Variants in PCCA observed in about 807,000 individuals in gnomAD.
The protein encoded by PCCA is propionyl-CoA carboxylase subunit alpha, also known as propionyl-CoA carboxylase alpha chain, mitochondrial.
PCCA carries 74 observed loss-of-function variants against 101.3 expected under a neutral mutation model. The observed-to-expected ratio is 0.73, with a 90% confidence interval of 0.61 to 0.89. The LOEUF is 0.89. Among genes scored for constraint, PCCA ranks in the 40% least tolerant of loss-of-function variants. The pLI, the probability that PCCA is intolerant of heterozygous loss-of-function variation, is 0.00. For missense variants in PCCA, 891 were observed against 907.0 expected, an observed-to-expected ratio of 0.98 and a Z score of 0.23; for synonymous variants, 294 against 313.6, an observed-to-expected ratio of 0.94 and a Z score of 0.66.
intron 19 of PCCA, among the ~76,000 whole-genome samples, chr13:100,407,111 CAACCTTA>C (rs1424907272): frequency 1.3e-5 from 2 of 152,200 alleles, no homozygotes; most frequent in African/African-American, 4.8e-5. Context: ...CTTAACATAA[CAACCTTA>C]ATTATGATTA....
At chr13:100,240,223 C>T (rs2061033992) in intron 8 of PCCA, among the ~76,000 whole-genome samples, 1 of 152,116 alleles carries the variant, frequency 6.6e-6, no homozygotes, top group African/African-American at 2.4e-5. Flanking sequence ...ATAAAAATCA[C>T]AATTCTTTAC....
chr13:100,099,004 T>C (rs2047024068), intron 1 of PCCA, among the ~76,000 whole-genome samples: 1 of 152,170 alleles, frequency 6.6e-6, no homozygotes, highest in Non-Finnish European at 1.5e-5. Flanking sequence ...CCTGGAATTT[T>C]AGAGATGAAG....
intron 2 of PCCA, among the ~76,000 whole-genome samples, chr13:100,108,450 A>G (rs1311444037): frequency 6.6e-6 from 1 of 152,086 alleles, no homozygotes; most frequent in African/African-American, 2.4e-5. Flanking sequence ...GAGTCCTTCC[A>G]TCATCTGGAC....
chr13:100,269,536 AG>A (rs1488890342), intron 11 of PCCA, among the ~76,000 whole-genome samples: 1 of 152,202 alleles, frequency 6.6e-6, no homozygotes, highest in Non-Finnish European at 1.5e-5. Context: ...GTACTTCTCC[AG>A]GGCATCTTTC....
intron 16 of PCCA, among the ~76,000 whole-genome samples, chr13:100,322,462 T>TA (rs1209249982): frequency 1.3e-5 from 2 of 152,138 alleles, no homozygotes; most frequent in Non-Finnish European, 2.9e-5. Flanking sequence ...AACTGTGTCT[T>TA]AAAAATTGTT....
intron 14 of PCCA, among the ~76,000 whole-genome samples, chr13:100,305,384 GAACAT>G (rs1461965782): frequency 6.6e-6 from 1 of 152,158 alleles, no homozygotes; most frequent in Non-Finnish European, 1.5e-5. Context: ...AACTGTAGAA[GAACAT>G]AATAAATATT....
intron 12 of PCCA, among the ~76,000 whole-genome samples, chr13:100,294,347 A>G (rs2065357458): frequency 6.6e-6 from 1 of 152,170 alleles, no homozygotes; most frequent in South Asian, 2.1e-4. Flanking sequence ...GGGGTACACA[A>G]TTCAGCCCAT....
At chr13:100,441,458 T>C (rs2080360011) in intron 20 of PCCA, among the ~76,000 whole-genome samples, 1 of 152,246 alleles carries the variant, frequency 6.6e-6, no homozygotes, top group African/African-American at 2.4e-5. Flanking sequence ...GAACATTTGA[T>C]TTATTGTTTT....
intron 10 of PCCA, chr13:100,268,461 T>C (rs1390249694): frequency 3.4e-6 from 2 of 585,970 alleles, no homozygotes; most frequent in East Asian, 3.1e-5. Flanking sequence ...AAAGGTGATA[T>C]GAACACTTTT....
At chr13:100,348,410 A>G (rs984870120) in intron 18 of PCCA, among the ~76,000 whole-genome samples, 1 of 152,210 alleles carries the variant, frequency 6.6e-6, no homozygotes, top group Admixed American at 6.5e-5. Flanking sequence ...AATGAATTTG[A>G]TGAGCTCAAT....
In PCCA at chr13:100,506,681, T is replaced by C. The variant is rs553489721; in HGVS notation, c.1900-8746T>C. Among the ~76,000 whole-genome samples, 13 of 152,272 alleles carry C rather than the reference T, an allele frequency of 8.5e-5. No homozygotes were observed. In the East Asian group the frequency reaches 1.9e-3, roughly 23 times the overall value. The stretch of plus-strand genomic sequence containing the variant: ...ACCTGGGGGGGACTGAGGACTTACA[T>C]GGGAAGTCAGAGCTCCCCATCTTTT... On this transcript the variant is annotated intron_variant, in intron 21 of 23. Coordinates refer to ENST00000376285, the MANE Select transcript of PCCA (RefSeq NM_000282.4).
chr13:100,250,122 G>C (rs9518029), intron 8 of PCCA, among the ~76,000 whole-genome samples: 61,052 of 151,910 alleles, frequency 0.4, 12,949 homozygotes, highest in East Asian at 0.75. Context: ...AGAGTTGTAA[G>C]AGGGGACATT....
intron 16 of PCCA, among the ~76,000 whole-genome samples, chr13:100,314,806 A>G (rs1378788117): frequency 1.3e-5 from 2 of 152,228 alleles, no homozygotes; most frequent in Non-Finnish European, 2.9e-5. Flanking sequence ...CTAAAGACAC[A>G]TGACAACTAA....
Position 100,268,732 on chromosome 13 carries a change from G to A in PCCA, c.863G>A (p.Arg288Lys), listed in dbSNP as rs879253810. ...KHGNALWLNERECSIQRRNQK... is the reference protein window; with the variant it reads ...KHGNALWLNEKECSIQRRNQK... ...GGGAATGCTTTATGGCTTAATGAAA[G>A]AGAGTGCTCAATTCAGAGAAGAAAT... The change falls in exon 11 of 24, where the codon AGA becomes AAA. Residue 288 changes from arginine to lysine, a missense_variant. By Grantham distance (26) the Arg-to-Lys change is conservative (BLOSUM62 2). Transcript: ENST00000376285. 1 of 1,614,024 alleles carries A rather than the reference G, an allele frequency of 6.2e-7. No homozygotes were observed. The highest frequency in any genetic ancestry group is 1.3e-5 in the African/African-American group (1 of 74,940).
At chr13:100,440,406 ATTG>A (rs928523709) in intron 20 of PCCA, among the ~76,000 whole-genome samples, 2 of 151,472 alleles carry the variant, frequency 1.3e-5, no homozygotes, top group African/African-American at 4.8e-5. Context: ...AAGAAAATAA[ATTG>A]TTGATTTTCA....
chr13:100,418,750 T>C lies in PCCA; in HGVS notation c.1747-6883T>C, dbSNP rs761948271. On this transcript the variant is annotated intron_variant, in intron 19 of 23. Coordinates refer to ENST00000376285, the MANE Select transcript of PCCA (RefSeq NM_000282.4). ...TCGGGAGGCTGAGGTGGGAGAATCA[T>C]TGGAACCCAGGCAGTGGAGGTTGTA... is the stretch of plus-strand genomic sequence containing the variant. 3.7e-4 allele frequency among the ~76,000 whole-genome samples: 56 copies of C among 151,354 alleles called. No individual in the cohort carries two copies. The Middle Eastern group carries it at 0.014, about 37-fold the overall frequency.
chr13:100,522,865 A>G (rs2087420761), intron 22 of PCCA, among the ~76,000 whole-genome samples: 2 of 152,204 alleles, frequency 1.3e-5, no homozygotes, highest in African/African-American at 4.8e-5. Flanking sequence ...CATCCTTTAC[A>G]TCTCCAATTT....
chr13:100,096,703 A>T (rs958305664), intron 1 of PCCA, among the ~76,000 whole-genome samples: 1 of 152,260 alleles, frequency 6.6e-6, no homozygotes, highest in Non-Finnish European at 1.5e-5. Flanking sequence ...TGATTAAAAA[A>T]AGTGAAACAG....
At chr13:100,435,228 G>C (rs1445899626) in intron 20 of PCCA, among the ~76,000 whole-genome samples, 2 of 152,152 alleles carry the variant, frequency 1.3e-5, no homozygotes, top group Non-Finnish European at 2.9e-5. Context: ...TTCAGTCATG[G>C]TGGAGGCAAA....
Sources: allele counts gnomAD v4.1 joint callset (sites outside exome capture counted in the v4.1 genomes callset), GRCh38; gene constraint gnomAD v4.1.1; transcripts MANE v1.5; gene names NCBI Gene and HGNC (gene_info 2026-07-23, HGNC 2026-07-21).